The following PDE1A variants were observed in gnomAD, a reference collection of about 807,000 sequenced individuals.
PDE1A encodes the protein dual specificity calcium/calmodulin-dependent 3',5'-cyclic nucleotide phosphodiesterase 1A.
Under a neutral mutation model 61.7 loss-of-function variants are expected in PDE1A, and 35 were observed. The observed-to-expected ratio is 0.57, with a 90% CI of 0.43 to 0.75. The LOEUF is 0.75. Among genes scored for constraint, PDE1A ranks in the 30% least tolerant of loss-of-function variants. PDE1A has a pLI of 0.00. For missense variants in PDE1A, 597 were observed against 630.6 expected, an observed-to-expected ratio of 0.95 and a Z score of 0.57; for synonymous variants, 232 against 213.2, an observed-to-expected ratio of 1.09 and a Z score of -0.77.
intron 1 of PDE1A, among the ~76,000 whole-genome samples, chr2:182,280,415 A>G (rs529538749): frequency 6.6e-6 from 1 of 151,858 alleles, no homozygotes; most frequent in Admixed American, 6.6e-5. Context: ...TCACTTCTGA[A>G]TTTTCTTCTG....
At chr2:182,443,971 G>T (rs1039802426) in intron 2 of PDE1A, among the ~76,000 whole-genome samples, 2 of 151,982 alleles carry the variant, frequency 1.3e-5, no homozygotes, top group Non-Finnish European at 2.9e-5. Flanking sequence ...CCAAAGTGCT[G>T]GGATTTCAGG....
At chr2:182,498,580 A>AAAGGCATGTATTTCCATACTGT (rs1688867408) in intron 2 of PDE1A, among the ~76,000 whole-genome samples, 2 of 152,002 alleles carry the variant, frequency 1.3e-5, no homozygotes, top group Non-Finnish European at 2.9e-5. Context: ...CTCCATACTG[A>AAAGGCATGTATTTCCATACTGT]AAGGCATGTA....
chr2:182,365,699 A>T (rs1329762582), intron 1 of PDE1A, among the ~76,000 whole-genome samples: 1 of 151,704 alleles, frequency 6.6e-6, no homozygotes. Context: ...TTTAGACTTG[A>T]TTTTGTTTCT....
intron 2 of PDE1A, among the ~76,000 whole-genome samples, chr2:182,466,625 G>C (rs11683084): frequency 0.049 from 7,383 of 152,074 alleles, 230 homozygotes; most frequent in Middle Eastern, 0.092. Flanking sequence ...GAGAGAAGAG[G>C]ATTTAGAATA....
At chr2:182,242,899 C>CCTCTCTCTCTCTCT (rs71340034) in intron 2 of PDE1A, among the ~76,000 whole-genome samples, 2 of 103,684 alleles carry the variant, frequency 1.9e-5, no homozygotes, top group African/African-American at 5.0e-5. Context: ...TCTCTCTCTC[C>CCTCTCTCTCTCTCT]CTCTCTCTCT....
chr2:182,416,631 T>C (rs1017109578), intron 1 of PDE1A, among the ~76,000 whole-genome samples: 1 of 151,790 alleles, frequency 6.6e-6, no homozygotes, highest in Non-Finnish European at 1.5e-5. Context: ...AAAACATAAA[T>C]AAGAAAAGAA....
chr2:182,520,145 T>C (rs1478045447), intron 2 of PDE1A, among the ~76,000 whole-genome samples: 1 of 151,830 alleles, frequency 6.6e-6, no homozygotes, highest in Non-Finnish European at 1.5e-5. Context: ...ATATCAGCAA[T>C]GGAATAGGGA....
intron 1 of PDE1A, among the ~76,000 whole-genome samples, chr2:182,338,841 A>C (rs2125020530): frequency 6.6e-6 from 1 of 152,284 alleles, no homozygotes; most frequent in South Asian, 2.1e-4. Context: ...TTTAACCAGA[A>C]GGCAAGGGCT....
At chr2:182,294,432 C>T (rs1694740006) in intron 1 of PDE1A, among the ~76,000 whole-genome samples, 1 of 152,154 alleles carries the variant, frequency 6.6e-6, no homozygotes, top group African/African-American at 2.4e-5. Context: ...ATTAATAACT[C>T]ATATGAGTTT....
chr2:182,162,739 A>T (rs1401263183), intron 13 of PDE1A, among the ~76,000 whole-genome samples: 1 of 152,166 alleles, frequency 6.6e-6, no homozygotes, highest in Non-Finnish European at 1.5e-5. Context: ...GACTGAAAAC[A>T]TCACTGTGGC....
At chr2:182,476,857 A>G (rs1687396022) in intron 2 of PDE1A, among the ~76,000 whole-genome samples, 1 of 151,488 alleles carries the variant, frequency 6.6e-6, no homozygotes, top group Non-Finnish European at 1.5e-5. Flanking sequence ...ACAATTATAT[A>G]AGAAGGTTTC....
In PDE1A at chr2:182,522,193, C is replaced by T. The variant is rs527393716; in HGVS notation, c.101+83G>A. The T allele has an allele frequency of 2.3e-5, 26 of 1,153,238 alleles. No individual in the cohort carries two copies. In the African/African-American group the frequency reaches 3.2e-4, roughly 14 times the overall value. 71.4% of individuals were successfully genotyped at this position (1,153,238 alleles called of 1,614,324 possible). A position where few individuals can be genotyped will look rare whatever the true frequency, so the allele number is the denominator to read the frequency against. ...AAAATCTTTCTAAAGGAAACTAGCCCACAAAGGCGGATAGCACCAACAATT... is the reference window on the plus strand; with the variant it reads ...AAAATCTTTCTAAAGGAAACTAGCCTACAAAGGCGGATAGCACCAACAATT... On this transcript the variant is annotated intron_variant, in intron 2 of 14. Coordinates refer to the PDE1A transcript ENST00000410103.
chr2:182,564,672 C>T, the PDE1A span, among the ~76,000 whole-genome samples: 371 of 152,260 alleles, frequency 2.4e-3, 2 homozygotes, highest in East Asian at 7.1e-3. Flanking sequence ...CCATTCTCCC[C>T]GTCACTTTCA....
At chr2:182,695,082 T>C in the PDE1A span, among the ~76,000 whole-genome samples, 1 of 152,148 alleles carries the variant, frequency 6.6e-6, no homozygotes, top group East Asian at 1.9e-4. Flanking sequence ...AGTATTCCTA[T>C]TGTTTTCTTT....
chr2:182,147,281 T>G (rs1574491171), intron 13 of PDE1A, 129 bp from the exon 14 acceptor site: 1 of 530,872 alleles, frequency 1.9e-6, no homozygotes, highest in Non-Finnish European at 3.3e-6. Context: ...TTGTGGCACA[T>G]TTTTTCAAAG....
At chr2:182,153,233 T>C (rs1251662119) in intron 13 of PDE1A, among the ~76,000 whole-genome samples, 1 of 152,196 alleles carries the variant, frequency 6.6e-6, no homozygotes, top group East Asian at 1.9e-4. Context: ...AGTTTAACAA[T>C]GTGGGAGGTA....
intron 1 of PDE1A, among the ~76,000 whole-genome samples, chr2:182,327,742 AG>A (rs1285660751): frequency 5.9e-5 from 9 of 152,240 alleles, no homozygotes; most frequent in Non-Finnish European, 1.5e-5. Context: ...ATGGAGGAAT[AG>A]GAAGTAGAGA....
chr2:182,193,392 C>T (rs1012942104), intron 10 of PDE1A, among the ~76,000 whole-genome samples: 1 of 151,992 alleles, frequency 6.6e-6, no homozygotes, highest in Non-Finnish European at 1.5e-5. Context: ...GAAGCAACGT[C>T]GATAACAAAT....
At chr2:182,195,257 C>T (rs143315712) in intron 10 of PDE1A, among the ~76,000 whole-genome samples, 45 of 152,188 alleles carry the variant, frequency 3.0e-4, no homozygotes, top group Non-Finnish European at 5.9e-4. Context: ...TTAAAATAGA[C>T]TAGCAGGATA....
Sources: gnomAD v4.1 joint callset for allele counts (sites outside exome capture counted in the v4.1 genomes callset) on GRCh38, gnomAD v4.1.1 for gene constraint, MANE v1.5 for transcripts, NCBI Gene and HGNC (gene_info 2026-07-23, HGNC 2026-07-21) for gene names.